Variants in WWOX observed in about 807,000 individuals in gnomAD.
WWOX encodes WW domain-containing oxidoreductase.
Under a neutral mutation model 46.2 loss-of-function variants are expected in WWOX, and 69 were observed. The observed-to-expected ratio is 1.49, with a 90% CI of 1.23 to 1.82. The LOEUF (loss-of-function observed/expected upper bound fraction) is 1.82. Among genes scored for constraint, WWOX ranks in the 40% most tolerant of loss-of-function variants. The pLI is 0.00. For missense variants in WWOX, 919 were observed against 542.6 expected, an observed-to-expected ratio of 1.69 and a Z score of -6.89; for synonymous variants, 359 against 202.6, an observed-to-expected ratio of 1.77 and a Z score of -6.56.
At chr16:78,876,071 A>G (rs936240277) in intron 8 of WWOX, among the ~76,000 whole-genome samples, 2 of 152,176 alleles carry the variant, frequency 1.3e-5, no homozygotes, top group African/African-American at 2.4e-5. Flanking sequence ...ACAGCTGCCA[A>G]CCTGCTCTTT....
intron 5 of WWOX, among the ~76,000 whole-genome samples, chr16:78,175,576 C>A (rs1314232089): frequency 6.6e-6 from 1 of 152,066 alleles, no homozygotes; most frequent in Non-Finnish European, 1.5e-5. Flanking sequence ...GAGGTGAGGC[C>A]CATGCAACAA....
intron 3 of WWOX, among the ~76,000 whole-genome samples, chr16:78,112,328 A>G (rs1168941274): frequency 5.9e-5 from 9 of 152,176 alleles, no homozygotes; most frequent in Admixed American, 5.9e-4. Context: ...ATTTTCATAG[A>G]TACCACTGAC....
intron 8 of WWOX, among the ~76,000 whole-genome samples, chr16:78,785,667 G>A (rs1029511158): frequency 4.6e-5 from 7 of 152,250 alleles, no homozygotes; most frequent in African/African-American, 1.7e-4. Flanking sequence ...CAAAACCATT[G>A]TTGCAGTATA....
chr16:79,023,538 C>T (rs931519696), intron 8 of WWOX, among the ~76,000 whole-genome samples: 1 of 152,144 alleles, frequency 6.6e-6, no homozygotes, highest in Non-Finnish European at 1.5e-5. Context: ...CCTTTAAGGT[C>T]TGAAGAGGAC....
chr16:78,844,771 C>G lies in WWOX; in HGVS notation c.1057-366837C>G, dbSNP rs114874679. ...CCCAGTGCCATCCTCCTTTTTTAGT[C>G]TTGTATATTTATGTATCCCCGGCCA... is the stretch of plus-strand genomic sequence containing the variant. On this transcript the variant is annotated intron_variant, in intron 8 of 8. Coordinates refer to ENST00000566780, the MANE Select transcript of WWOX (RefSeq NM_016373.4). Among the ~76,000 whole-genome samples the G allele has an allele frequency of 9.5e-3, 1,453 of 152,286 alleles. 23 individuals carry two copies. Among genetic ancestry groups the G allele is most frequent in the African/African-American group, 0.033 (1,391 of 41,572 alleles).
At chr16:78,117,162 C>T (rs1218960354) in intron 4 of WWOX, among the ~76,000 whole-genome samples, 1 of 152,146 alleles carries the variant, frequency 6.6e-6, no homozygotes, top group East Asian at 1.9e-4. Flanking sequence ...TCCCACTTCC[C>T]CCTAAGACTC....
At chr16:78,793,855 C>G (rs2050671368) in intron 8 of WWOX, among the ~76,000 whole-genome samples, 1 of 151,696 alleles carries the variant, frequency 6.6e-6, no homozygotes, top group South Asian at 2.1e-4. Flanking sequence ...GCAGGAGAAT[C>G]ATTTGAGGGC....
intron 8 of WWOX, among the ~76,000 whole-genome samples, chr16:78,722,414 A>C (rs1043840850): frequency 5.9e-5 from 9 of 152,192 alleles, no homozygotes; most frequent in African/African-American, 1.9e-4. Flanking sequence ...AATAGCTGAA[A>C]AGTGACCGTA....
At chr16:78,378,990 C>A (rs964925625) in intron 5 of WWOX, among the ~76,000 whole-genome samples, 10 of 152,154 alleles carry the variant, frequency 6.6e-5, no homozygotes, top group Non-Finnish European at 8.8e-5. Context: ...ACGACATGAG[C>A]ATTGGAACCA....
In WWOX at chr16:78,343,122, A is replaced by C. The variant is rs1021137029; in HGVS notation, c.517-43738A>C. Reference sequence around the variant, plus strand: ...TTGTTTTCTTGTCAACATAAGCCTCATGAGACAACAGCAGGATGCAAGATT... The same window carrying C: ...TTGTTTTCTTGTCAACATAAGCCTCCTGAGACAACAGCAGGATGCAAGATT... On this transcript the variant is annotated intron_variant, in intron 5 of 8. Coordinates refer to ENST00000566780, the MANE Select transcript of WWOX (RefSeq NM_016373.4). Among the ~76,000 whole-genome samples the C allele has an allele frequency of 1.2e-3, 146 of 120,242 alleles. 39 individuals carry two copies. The highest frequency in any genetic ancestry group is 1.4e-4 in the Non-Finnish European group (7 of 50,404). 78.9% of individuals were successfully genotyped at this position (120,242 alleles called of 152,430 possible). A position where few individuals can be genotyped will look rare whatever the true frequency, so the allele number is the denominator to read the frequency against.
chr16:78,410,532 G>A (rs1218424160), intron 6 of WWOX, among the ~76,000 whole-genome samples: 1 of 152,034 alleles, frequency 6.6e-6, no homozygotes, highest in Admixed American at 6.6e-5. Flanking sequence ...GCTGGGGGCT[G>A]GGCATGGTGG....
At chr16:78,708,496 T>C (rs1197867516) in intron 8 of WWOX, among the ~76,000 whole-genome samples, 1 of 152,180 alleles carries the variant, frequency 6.6e-6, no homozygotes, top group Non-Finnish European at 1.5e-5. Flanking sequence ...TGACTCTGTA[T>C]CAAGCGTTTA....
chr16:78,743,805 C>T (rs1344731378), intron 8 of WWOX, among the ~76,000 whole-genome samples: 1 of 152,132 alleles, frequency 6.6e-6, no homozygotes, highest in East Asian at 1.9e-4. Flanking sequence ...ACCAATCTGA[C>T]TGATTGTGGG....
rs80156544 is a variant in WWOX, at chr16:78,369,728, C to T, written c.517-17132C>T. 6.3e-4 allele frequency among the ~76,000 whole-genome samples: 96 copies of T among 152,120 alleles called. 1 individual carries two copies. The East Asian group carries it at 0.018, about 28-fold the overall frequency. ...AAACACCATCAGAAATCCAATTAAA[C>T]CCAATTGTTAAAATCCAACAAATAC... On this transcript the variant is annotated intron_variant, in intron 5 of 8. Transcript: ENST00000566780.
chr16:79,164,169 T>A (rs1215075727), intron 8 of WWOX, among the ~76,000 whole-genome samples: 1 of 152,206 alleles, frequency 6.6e-6, no homozygotes, highest in African/African-American at 2.4e-5. Context: ...TAGAAAAATA[T>A]AAATCAATAC....
intron 6 of WWOX, among the ~76,000 whole-genome samples, chr16:78,387,862 C>G (rs995352221): frequency 3.3e-5 from 5 of 151,994 alleles, no homozygotes; most frequent in Non-Finnish European, 7.4e-5. Context: ...GATAATTACA[C>G]AAGAGGCACC....
intron 1 of WWOX, among the ~76,000 whole-genome samples, chr16:78,106,099 G>A (rs1055761998): frequency 6.6e-6 from 1 of 152,182 alleles, no homozygotes; most frequent in Non-Finnish European, 1.5e-5. Context: ...ACCGTACCCC[G>A]CCACTCCATG....
chr16:78,407,461 AT>A lies in WWOX; in HGVS notation c.606-17408del, dbSNP rs542170682. On this transcript the variant is annotated intron_variant, in intron 6 of 8. Transcript: ENST00000566780. ...TAACATTCAGAAGAGTGTTTATTTA[AT>A]CTGCAAAATCTTGCCTCACTTTTGG... is the stretch of plus-strand genomic sequence containing the variant. 7.9e-4 allele frequency among the ~76,000 whole-genome samples: 121 copies of A among 152,302 alleles called. 1 individual carries two copies. Among genetic ancestry groups the A allele is most frequent in the African/African-American group, 2.7e-3 (113 of 41,574 alleles).
intron 8 of WWOX, among the ~76,000 whole-genome samples, chr16:78,683,230 G>A (rs2047771406): frequency 6.6e-6 from 1 of 152,006 alleles, no homozygotes; most frequent in Admixed American, 6.6e-5. Flanking sequence ...GAGACAAGGA[G>A]GTGGGCGCGG....
Sources: gnomAD v4.1 joint callset for allele counts (sites outside exome capture counted in the v4.1 genomes callset) on GRCh38, gnomAD v4.1.1 for gene constraint, MANE v1.5 for transcripts, NCBI Gene and HGNC (gene_info 2026-07-23, HGNC 2026-07-21) for gene names.